PBRM1: variants seen among roughly 807,000 people sequenced by gnomAD.
PBRM1 encodes the protein polybromo 1.
A neutral mutation model predicts 194.5 loss-of-function variants in PBRM1; 27 were observed. That is an observed-to-expected ratio of 0.14 (90% confidence interval 0.10 to 0.19). PBRM1 has a LOEUF of 0.19. PBRM1 is among the 10% of genes least tolerant of loss of function. The probability of loss-of-function intolerance (pLI) is 1.00; values close to 1 mark genes in which losing one functional copy is unlikely to be tolerated. For missense variants in PBRM1, 1,466 were observed against 2,077.2 expected, an observed-to-expected ratio of 0.71 and a Z score of 5.72; for synonymous variants, 655 against 693.2, an observed-to-expected ratio of 0.94 and a Z score of 0.87.
intron 5 of PBRM1, among the ~76,000 whole-genome samples, chr3:52,652,524 T>C (rs1287583828): frequency 6.7e-6 from 1 of 148,860 alleles, no homozygotes; most frequent in Non-Finnish European, 1.5e-5. Flanking sequence ...CTGTCTCTAC[T>C]AAAAATAGAA....
At chr3:52,547,993 C>T (rs1430629422) in exon 30 of PBRM1, 1 of 1,328,286 alleles carries the variant, frequency 7.5e-7, no homozygotes, top group African/African-American at 1.5e-5. Flanking sequence ...TCCCCCCACC[C>T]CCAGTAACTA....
chr3:52,622,930 T>C (rs1248430855), intron 13 of PBRM1, among the ~76,000 whole-genome samples: 1 of 152,214 alleles, frequency 6.6e-6, no homozygotes, highest in Non-Finnish European at 1.5e-5. Context: ...CTAATACTTC[T>C]ACCAAATGTT....
chr3:52,654,667 A>G (rs984344766), intron 5 of PBRM1, among the ~76,000 whole-genome samples: 1 of 152,184 alleles, frequency 6.6e-6, no homozygotes, highest in Non-Finnish European at 1.5e-5. Context: ...TCATTGCCCC[A>G]TATCACTGTT....
intron 5 of PBRM1, among the ~76,000 whole-genome samples, 186 bp downstream of exon 6, chr3:52,658,013 G>C (rs1264678149): frequency 7.0e-6 from 1 of 143,538 alleles, no homozygotes. Context: ...GGATGGTCTC[G>C]AACTCCCAAC....
chr3:52,629,130 A>G, intron 11 of PBRM1, 95 bp from the exon 13 acceptor site: 1 of 929,430 alleles, frequency 1.1e-6, no homozygotes, highest in South Asian at 1.6e-5. Context: ...CAAGCACTAC[A>G]TGGTATCTTT....
At chr3:52,601,102 C>T (rs149397490) in intron 17 of PBRM1, among the ~76,000 whole-genome samples, 65 of 152,322 alleles carry the variant, frequency 4.3e-4, no homozygotes, top group African/African-American at 1.3e-3. Flanking sequence ...AATTTACTTT[C>T]GTAGAAGAGG....
At chr3:52,612,276 A>AAAAAAAAAAAAAAC (rs2094673745) in intron 15 of PBRM1, among the ~76,000 whole-genome samples, 1 of 149,476 alleles carries the variant, frequency 6.7e-6, no homozygotes, top group African/African-American at 2.5e-5. Context: ...AAAAAAAAAA[A>AAAAAAAAAAAAAAC]AAAAAAGAGG....
intron 11 of PBRM1, among the ~76,000 whole-genome samples, chr3:52,633,090 T>C (rs1174992075): frequency 1.3e-5 from 2 of 152,160 alleles, no homozygotes; most frequent in African/African-American, 2.4e-5. Flanking sequence ...TCTAGAACTC[T>C]TTCCATTTTG....
intron 26 of PBRM1, among the ~76,000 whole-genome samples, chr3:52,556,889 T>A (rs969262610): frequency 1.3e-5 from 2 of 151,784 alleles, no homozygotes; most frequent in Admixed American, 6.6e-5. Context: ...AGTTCTATAA[T>A]GTTCTTCCCC....
At chr3:52,680,649 C>CTT (rs1319794829), upstream of PBRM1, among the ~76,000 whole-genome samples, 1 of 151,920 alleles carries the variant, frequency 6.6e-6, no homozygotes, top group Non-Finnish European at 1.5e-5. Context: ...TTTGAAAGGC[C>CTT]TTTTTCTTTC....
intron 26 of PBRM1, among the ~76,000 whole-genome samples, chr3:52,556,213 G>T (rs1169539262): frequency 6.6e-6 from 1 of 152,112 alleles, no homozygotes; most frequent in Non-Finnish European, 1.5e-5. Context: ...AAATTCTGAG[G>T]TCGATTCACC....
intron 25 of PBRM1, among the ~76,000 whole-genome samples, chr3:52,561,083 A>G (rs938153377): frequency 3.3e-5 from 5 of 152,102 alleles, no homozygotes; most frequent in African/African-American, 1.2e-4. Context: ...CATGTCTGAT[A>G]TTTAAAAAAA....
intron 20 of PBRM1, among the ~76,000 whole-genome samples, chr3:52,584,374 A>G (rs1317337491): frequency 6.7e-6 from 1 of 149,100 alleles, no homozygotes; most frequent in East Asian, 1.9e-4. Context: ...GGATTTTGAA[A>G]TTTCTATTTG....
chr3:52,629,104 C>A, intron 11 of PBRM1, 69 bp from the exon 13 acceptor site: 1 of 1,257,726 alleles, frequency 8.0e-7, no homozygotes, highest in African/African-American at 1.5e-5. Context: ...CCTGAAAGTC[C>A]AATGCAAAAT....
intron 10 of PBRM1, among the ~76,000 whole-genome samples, chr3:52,635,545 G>A (rs151272661): frequency 7.2e-4 from 109 of 152,078 alleles, no homozygotes; most frequent in African/African-American, 2.5e-3. Context: ...CAGCCTGGGT[G>A]ACGGATGAAG....
intron 15 of PBRM1, 91 bp downstream of exon 17, chr3:52,615,260 T>C: frequency 1.4e-6 from 1 of 719,318 alleles, no homozygotes; most frequent in Non-Finnish European, 2.4e-6. Flanking sequence ...AGTTCAAATA[T>C]ATTCATAATT....
At chr3:52,685,534 G>A (rs893062907) in intron 1 of PBRM1, 2 of 151,802 alleles carry the variant, frequency 1.3e-5, no homozygotes, top group African/African-American at 4.8e-5. Context: ...GACCCGTAGT[G>A]CGCCTTTGTC....
chr3:52,625,544 G>T (rs2095419110), intron 13 of PBRM1, among the ~76,000 whole-genome samples: 1 of 150,094 alleles, frequency 6.7e-6, no homozygotes, highest in South Asian at 2.1e-4. Context: ...TCTGAAGTAA[G>T]ATTTTTTTAA....
At chr3:52,632,046 T>C (rs2095635867) in intron 11 of PBRM1, among the ~76,000 whole-genome samples, 1 of 152,236 alleles carries the variant, frequency 6.6e-6, no homozygotes, top group Non-Finnish European at 1.5e-5. Context: ...TTCTGCTTTT[T>C]ATAGAAACAG....
Sources: allele counts gnomAD v4.1 joint callset (sites outside exome capture counted in the v4.1 genomes callset), GRCh38; gene constraint gnomAD v4.1.1; transcripts MANE v1.5; gene names NCBI Gene and HGNC (gene_info 2026-07-23, HGNC 2026-07-21).